MYH16: variants seen among roughly 807,000 people sequenced by gnomAD.
The protein encoded by MYH16 is putative uncharacterized protein MYH16.
At chr7:99,251,841 T>G (rs1205619341) in intron 6 of MYH16, among the ~76,000 whole-genome samples, 1 of 152,002 alleles carries the variant, frequency 6.6e-6, no homozygotes, top group African/African-American at 2.4e-5. Context: ...GGCATGGCCA[T>G]GCCTGCCTGT....
At chr7:99,262,620 TCTC>T (rs575645488) in intron 13 of MYH16, among the ~76,000 whole-genome samples, 143 of 152,330 alleles carry the variant, frequency 9.4e-4, no homozygotes, top group Non-Finnish European at 1.7e-3. Context: ...AGTTCTGGCA[TCTC>T]CTCTACTTAC....
At chr7:99,283,644 T>A (rs1397856603) in exon 24 of MYH16, 2 of 456,592 alleles carry the variant, frequency 4.4e-6, no homozygotes, top group South Asian at 1.5e-5. Context: ...AGCACGCAGA[T>A]CCATGAGGTA....
At chr7:99,248,124 G>C (rs923710977) in intron 3 of MYH16, among the ~76,000 whole-genome samples, 3 of 152,132 alleles carry the variant, frequency 2.0e-5, no homozygotes, top group African/African-American at 7.2e-5. Context: ...TTTATTTTGA[G>C]ATAGAGTTTC....
intron 11 of MYH16, among the ~76,000 whole-genome samples, chr7:99,259,716 A>ATGTG (rs539769919): frequency 1.4e-5 from 2 of 146,806 alleles, no homozygotes; most frequent in African/African-American, 5.1e-5. Context: ...ATATATATAT[A>ATGTG]TGTGTGTGTG....
chr7:99,272,193 T>C (rs1198334519), intron 19 of MYH16, among the ~76,000 whole-genome samples: 2 of 152,168 alleles, frequency 1.3e-5, no homozygotes, highest in Non-Finnish European at 2.9e-5. Flanking sequence ...AAACAACTAA[T>C]ATAAACCCTC....
At chr7:99,289,371 G>A (rs1347940816) in exon 30 of MYH16, 3 of 446,064 alleles carry the variant, frequency 6.7e-6, no homozygotes, top group Non-Finnish European at 1.3e-5. Flanking sequence ...GCGAAACCAA[G>A]CAGAAATCAA....
At chr7:99,243,899 A>G (rs1271586619) in intron 2 of MYH16, among the ~76,000 whole-genome samples, 1 of 151,826 alleles carries the variant, frequency 6.6e-6, no homozygotes, top group Admixed American at 6.6e-5. Context: ...ACATTTATCC[A>G]TCCAAACATC....
intron 9 of MYH16, among the ~76,000 whole-genome samples, chr7:99,257,047 T>C (rs1420665765): frequency 1.3e-5 from 2 of 152,244 alleles, no homozygotes; most frequent in African/African-American, 4.8e-5. Flanking sequence ...TTCTGATCTA[T>C]CCTTATCATC....
At chr7:99,300,720 C>T (rs1232476967) in intron 37 of MYH16, among the ~76,000 whole-genome samples, 10 of 152,086 alleles carry the variant, frequency 6.6e-5, no homozygotes, top group Admixed American at 5.2e-4. Context: ...GTGGAAGGAT[C>T]GCTTGAGCCC....
chr7:99,303,873 A>G (rs1792643611), intron 39 of MYH16, among the ~76,000 whole-genome samples: 1 of 152,208 alleles, frequency 6.6e-6, no homozygotes, highest in African/African-American at 2.4e-5. Flanking sequence ...AGGAAGATGG[A>G]TGAGCCCAGG....
intron 13 of MYH16, among the ~76,000 whole-genome samples, chr7:99,263,121 A>G (rs559690040): frequency 1.6e-4 from 24 of 152,320 alleles, no homozygotes; most frequent in Admixed American, 1.6e-3. Flanking sequence ...CCAAGAAGGC[A>G]GATGATGGAG....
chr7:99,286,165 G>A (rs960125182), intron 27 of MYH16, among the ~76,000 whole-genome samples: 5 of 152,250 alleles, frequency 3.3e-5, no homozygotes, highest in Admixed American at 1.3e-4. Flanking sequence ...GCTCATGCTT[G>A]TAATCCAAAT....
intron 13 of MYH16, among the ~76,000 whole-genome samples, chr7:99,262,085 T>C (rs1791943307): frequency 6.6e-6 from 1 of 152,220 alleles, no homozygotes; most frequent in Non-Finnish European, 1.5e-5. Context: ...TTTTCACTCA[T>C]GACAAACTTA....
At chr7:99,286,118 G>A (rs951252997) in intron 27 of MYH16, among the ~76,000 whole-genome samples, 1 of 152,280 alleles carries the variant, frequency 6.6e-6, no homozygotes, top group Middle Eastern at 3.4e-3. Context: ...GATTATCATC[G>A]GTATCATTAA....
At chr7:99,269,826 T>TTCTCAACC (rs1792026097) in intron 18 of MYH16, among the ~76,000 whole-genome samples, 1 of 151,852 alleles carries the variant, frequency 6.6e-6, no homozygotes. Flanking sequence ...TAGAACAAAG[T>TTCTCAACC]TCTCAACCTT....
chr7:99,296,746 G>A, exon 34 of MYH16: 1 of 456,720 alleles, frequency 2.2e-6, no homozygotes, highest in Non-Finnish European at 4.4e-6. Context: ...GAGGCTCTTT[G>A]ACAAGATGCT....
intron 21 of MYH16, 113 bp downstream of exon 3, chr7:99,277,825 T>C: frequency 2.8e-6 from 1 of 362,098 alleles, no homozygotes; most frequent in Non-Finnish European, 5.4e-6. Flanking sequence ...CGGGAAATTC[T>C]CCAGCATACA....
At chr7:99,265,409 G>A (rs1010400485) in intron 16 of MYH16, among the ~76,000 whole-genome samples, 8 of 152,204 alleles carry the variant, frequency 5.3e-5, no homozygotes, top group Non-Finnish European at 1.0e-4. Context: ...GAGCTTTTGG[G>A]CATTGGCCAA....
intron 13 of MYH16, among the ~76,000 whole-genome samples, chr7:99,262,805 C>T (rs1228275951): frequency 1.3e-5 from 2 of 152,156 alleles, no homozygotes; most frequent in African/African-American, 4.8e-5. Flanking sequence ...GCCAATGACC[C>T]TACAGTGATG....
Sources: allele counts gnomAD v4.1 joint callset (sites outside exome capture counted in the v4.1 genomes callset), GRCh38; gene constraint gnomAD v4.1.1; transcripts MANE v1.5; gene names NCBI Gene and HGNC (gene_info 2026-07-23, HGNC 2026-07-21).